GSN: variants seen among roughly 807,000 people sequenced by gnomAD.
GSN encodes the protein actin-depolymerizing factor.
In GSN, 56 loss-of-function variants were observed where a neutral mutation model predicts 85.7. The observed-to-expected ratio is 0.65, with a 90% confidence interval of 0.53 to 0.82. The LOEUF (loss-of-function observed/expected upper bound fraction) is 0.82. Ranked by LOEUF, GSN falls within the 40% of genes least tolerant of loss-of-function variation. The probability of loss-of-function intolerance (pLI) is 0.00; values close to 1 mark genes in which losing one functional copy is unlikely to be tolerated. For synonymous variants in GSN, 373 were observed against 399.1 expected, an observed-to-expected ratio of 0.93 and a Z score of 0.78; for missense variants, 857 against 979.8, an observed-to-expected ratio of 0.87 and a Z score of 1.67.
At chr9:121,228,412 ATATATATATATATTTTTTTTTT>A (rs1436693200) in intron 4 of GSN, among the ~76,000 whole-genome samples, 1 of 60,804 alleles carries the variant, frequency 1.6e-5, no homozygotes, top group Non-Finnish European at 2.9e-5. Flanking sequence ...ACATATATAT[ATATATATATATATTTTTTTTTT>A]TTTTTTTTTT....
chr9:121,213,889 G>A (rs2054010381), intron 4 of GSN, among the ~76,000 whole-genome samples: 1 of 152,152 alleles, frequency 6.6e-6, no homozygotes, highest in Admixed American at 6.5e-5. Flanking sequence ...ATGAATGAAT[G>A]AAAAGATTAA....
chr9:121,303,297 A>C (rs1178698294), intron 4 of GSN, among the ~76,000 whole-genome samples: 1 of 152,178 alleles, frequency 6.6e-6, no homozygotes, highest in Non-Finnish European at 1.5e-5. Context: ...AATGGGGAGA[A>C]GAAAATTCCC....
intron 11 of GSN, 28 bp downstream of exon 11, chr9:121,321,429 T>TCACA (rs777695357): frequency 1.2e-6 from 2 of 1,609,196 alleles, no homozygotes; most frequent in Non-Finnish European, 1.7e-6. Context: ...TTGGTGTGTG[T>TCACA]CGTGGGGGTA....
chr9:121,233,111 G>T, intron 5 of GSN, among the ~76,000 whole-genome samples: 1 of 152,144 alleles, frequency 6.6e-6, no homozygotes, highest in East Asian at 1.9e-4. Flanking sequence ...TCTGAGGTAG[G>T]CCTTTAATAA....
At chr9:121,262,101 G>A (rs1190762263) in intron 6 of GSN, among the ~76,000 whole-genome samples, 1 of 152,220 alleles carries the variant, frequency 6.6e-6, no homozygotes, top group South Asian at 2.1e-4. Context: ...GAAACAACGA[G>A]CTGTAGTCAA....
chr9:121,206,954 G>T (rs1029166266), upstream of GSN, among the ~76,000 whole-genome samples: 2 of 152,074 alleles, frequency 1.3e-5, no homozygotes, highest in South Asian at 2.1e-4. Flanking sequence ...TGACCACACC[G>T]TGAGATCCAC....
Position 121,329,149 on chromosome 9 carries a change from C to G in GSN, c.1888-89C>G. Reference sequence around the variant, plus strand: ...GAAGGGGCCCCCTGCCAGCTGCAGCCAGCTGTGCCACTCCCTCAGGGGGCA... The same window carrying G: ...GAAGGGGCCCCCTGCCAGCTGCAGCGAGCTGTGCCACTCCCTCAGGGGGCA... On this transcript the variant is annotated intron_variant, in intron 15 of 17. Coordinates refer to ENST00000432226, the MANE Select transcript of GSN (RefSeq NM_198252.3). The surrounding 1 kb of genome is among the most constrained non-coding windows in gnomAD (Gnocchi z 4.6). 1 of 1,465,350 alleles carries G rather than the reference C, an allele frequency of 6.8e-7. No homozygotes were observed. The highest frequency in any genetic ancestry group is 9.5e-7 in the Non-Finnish European group (1 of 1,048,990). 90.8% of individuals were successfully genotyped at this position (1,465,350 alleles called of 1,614,324 possible).
chr9:121,222,658 T>C (rs1200583931), intron 4 of GSN, among the ~76,000 whole-genome samples: 1 of 152,230 alleles, frequency 6.6e-6, no homozygotes. Context: ...CACCAACGTA[T>C]GTTAGCAGTG....
chr9:121,223,427 A>G (rs536989801), intron 4 of GSN, among the ~76,000 whole-genome samples: 5 of 152,260 alleles, frequency 3.3e-5, no homozygotes, highest in African/African-American at 4.8e-5. Context: ...AAAGACCCCT[A>G]TAGAATCAGG....
chr9:121,285,103 A>G (rs2057911281), intron 2 of GSN: 1 of 167,176 alleles, frequency 6.0e-6, no homozygotes, highest in Admixed American at 6.5e-5. Flanking sequence ...GCCCTTGGAC[A>G]AGTCCCTTAC....
chr9:121,220,799 G>A (rs1292693886), intron 4 of GSN, among the ~76,000 whole-genome samples: 4 of 152,242 alleles, frequency 2.6e-5, no homozygotes, highest in South Asian at 2.1e-4. Flanking sequence ...ACAGGCAACC[G>A]TATCTAGCCA....
intron 11 of GSN, 98 bp downstream of exon 11, chr9:121,321,499 C>A: frequency 8.7e-7 from 1 of 1,148,012 alleles, no homozygotes; most frequent in Non-Finnish European, 1.3e-6. Flanking sequence ...TGAGGTGGGA[C>A]CACCACTCCC....
At position 121,271,575 on chromosome 9, in the gene GSN, A is replaced by C. The variant is rs532706427; in HGVS notation, c.-103+3356A>C. 6.4e-4 allele frequency among the ~76,000 whole-genome samples: 98 copies of C among 152,166 alleles called. 2 individuals are homozygous for C. The highest frequency in any genetic ancestry group is 1.8e-4 in the Non-Finnish European group (12 of 68,038). On this transcript the variant is annotated intron_variant, in intron 1 of 17. Coordinates refer to ENST00000432226, the MANE Select transcript of GSN (RefSeq NM_198252.3). ...GAGGTCTGACGACAGAGCCATAGCT[A>C]TTAATGACAGCACTAAACATTCTCT...
chr9:121,214,372 A>G (rs908012009), intron 4 of GSN, among the ~76,000 whole-genome samples: 1 of 151,598 alleles, frequency 6.6e-6, no homozygotes, highest in African/African-American at 2.4e-5. Flanking sequence ...TTAGTTCTAC[A>G]TTTTAAAATC....
chr9:121,312,295 T>TATAGGAAGGCGGGGCAC, intron 5 of GSN, 44 bp from the exon 6 acceptor site: 1 of 1,610,268 alleles, frequency 6.2e-7, no homozygotes, highest in Non-Finnish European at 8.5e-7. Flanking sequence ...GGGCGGGGCT[T>TATAGGAAGGCGGGGCAC]ATAGGAAGGC....
intron 1 of GSN, among the ~76,000 whole-genome samples, chr9:121,271,908 C>T (rs923104925): frequency 1.3e-5 from 2 of 152,230 alleles, no homozygotes; most frequent in Non-Finnish European, 2.9e-5. Context: ...ATCAATCAAG[C>T]TTATGCTCTG....
At chr9:121,212,967 C>A (rs1413943208) in intron 4 of GSN, among the ~76,000 whole-genome samples, 2 of 152,038 alleles carry the variant, frequency 1.3e-5, no homozygotes, top group Non-Finnish European at 2.9e-5. Flanking sequence ...TGACAAAGAT[C>A]TTTTTCCCGT....
chr9:121,294,987 G>A (rs1435347412), intron 2 of GSN, among the ~76,000 whole-genome samples: 1 of 152,204 alleles, frequency 6.6e-6, no homozygotes, highest in Non-Finnish European at 1.5e-5. Context: ...CTCAGAGAGG[G>A]AAGGTAACTT....
At chr9:121,218,940 G>A (rs1020614837) in intron 4 of GSN, among the ~76,000 whole-genome samples, 2 of 152,192 alleles carry the variant, frequency 1.3e-5, no homozygotes, top group Non-Finnish European at 1.5e-5. Context: ...ATGTAAAATG[G>A]AGGACAATAA....
Sources: gnomAD v4.1 joint callset for allele counts (sites outside exome capture counted in the v4.1 genomes callset) on GRCh38, gnomAD v4.1.1 for gene constraint, Gnocchi (gnomAD v3.1) non-coding constraint, MANE v1.5 for transcripts, NCBI Gene and HGNC (gene_info 2026-07-23, HGNC 2026-07-21) for gene names.